The following COBL variants were observed in gnomAD, a reference collection of about 807,000 sequenced individuals.
The protein encoded by COBL is cordon-bleu WH2 repeat protein.
COBL carries 51 observed loss-of-function variants against 98.8 expected under a neutral mutation model. The ratio of observed to expected loss-of-function variants is 0.52; its 90% CI spans 0.41 to 0.65. COBL has a LOEUF of 0.65. Ranked by LOEUF, COBL falls within the 30% of genes least tolerant of loss-of-function variation. The probability of loss-of-function intolerance (pLI) is 0.00; values close to 1 mark genes in which losing one functional copy is unlikely to be tolerated. For missense variants in COBL, 1,617 were observed against 1,617.5 expected (o/e 1.00, Z 0.01); for synonymous variants, 634 against 651.7 (o/e 0.97, Z 0.41).
At chr7:51,223,274 C>T (rs565667287) in intron 1 of COBL, among the ~76,000 whole-genome samples, 5 of 152,318 alleles carry the variant, frequency 3.3e-5, no homozygotes, top group African/African-American at 4.8e-5. Flanking sequence ...TGTGTGCCTG[C>T]GTGTGCACGT....
At chr7:51,085,066 T>C in intron 7 of COBL, 100 bp downstream of exon 7, 4 of 1,558,350 alleles carry the variant, frequency 2.6e-6, no homozygotes, top group Non-Finnish European at 3.5e-6. Context: ...TGGGTTAATG[T>C]CATTATGGAT....
intron 5 of COBL, among the ~76,000 whole-genome samples, chr7:51,165,143 G>A (rs886409251): frequency 6.6e-6 from 1 of 151,900 alleles, no homozygotes; most frequent in African/African-American, 2.4e-5. Context: ...AACATTGAAT[G>A]TAAATATACT....
chr7:51,083,209 T>G, intron 7 of COBL: 1 of 1,461,394 alleles, frequency 6.8e-7, no homozygotes, highest in Non-Finnish European at 9.0e-7. Context: ...GAGGCTTTTG[T>G]GGCACCTGCC....
In COBL at chr7:51,074,183, A is replaced by C. The variant is rs183423657; in HGVS notation, c.1096+10983T>G. Among the ~76,000 whole-genome samples the C allele has an allele frequency of 4.3e-3, 643 of 147,932 alleles. 1 individual carries two copies. Among genetic ancestry groups the C allele is most frequent in the Admixed American group, 8.4e-3 (121 of 14,400 alleles). On this transcript the variant is annotated intron_variant, in intron 7 of 12. Transcript: ENST00000265136. The stretch of plus-strand genomic sequence containing the variant: ...TATTTACTTCTTAACTAGTAAAACA[A>C]GGTAATGATTTTTTTTTTTTTTTTT...
intron 1 of COBL, among the ~76,000 whole-genome samples, chr7:51,234,413 C>T (rs1380647072): frequency 6.6e-6 from 1 of 152,174 alleles, no homozygotes; most frequent in Non-Finnish European, 1.5e-5. Context: ...TCAAGAGTTC[C>T]GAAAAGGCCG....
At chr7:51,268,690 G>C (rs2129159864) in intron 1 of COBL, among the ~76,000 whole-genome samples, 1 of 152,174 alleles carries the variant, frequency 6.6e-6, no homozygotes, top group East Asian at 1.9e-4. Context: ...CCAGCATTTT[G>C]GGAGGCCAAG....
intron 5 of COBL, among the ~76,000 whole-genome samples, chr7:51,145,239 C>T (rs1482170812): frequency 2.0e-5 from 3 of 152,140 alleles, no homozygotes; most frequent in African/African-American, 4.8e-5. Flanking sequence ...TGGTCTTGAA[C>T]TCTTGACCTC....
At chr7:51,311,295 A>C (rs1803013935) in intron 1 of COBL, among the ~76,000 whole-genome samples, 1 of 152,222 alleles carries the variant, frequency 6.6e-6, no homozygotes, top group Admixed American at 6.5e-5. Flanking sequence ...TAACACCCCA[A>C]GAGGCCACAG....
In COBL at chr7:51,099,542, T is replaced by C. The variant is rs73118445; in HGVS notation, c.958-14238A>G. On this transcript the variant is annotated intron_variant, in intron 6 of 12. Transcript: ENST00000265136. ...TTCCATTTACATGAGCTATATAAAG[T>C]AGTCAAACTTTAGAAAGTAGAATGG... Among the ~76,000 whole-genome samples, 486 of 152,214 alleles carry C rather than the reference T, an allele frequency of 3.2e-3. 2 individuals carry two copies. Among genetic ancestry groups the C allele is most frequent in the Admixed American group, 6.4e-3 (98 of 15,282 alleles).
At chr7:51,068,667 C>T (rs533866830) in intron 7 of COBL, among the ~76,000 whole-genome samples, 2 of 152,188 alleles carry the variant, frequency 1.3e-5, no homozygotes, top group African/African-American at 4.8e-5. Flanking sequence ...ATGGTGTATA[C>T]AAGAGTCGAA....
At chr7:51,193,713 A>G in intron 2 of COBL, 124 bp from the exon 3 acceptor site, 1 of 781,726 alleles carries the variant, frequency 1.3e-6, no homozygotes, top group Non-Finnish European at 2.1e-6. Flanking sequence ...CTTATGAAAA[A>G]AGACAACAGA....
chr7:51,235,837 A>G (rs2215162), intron 1 of COBL, among the ~76,000 whole-genome samples: 111,323 of 152,018 alleles, frequency 0.73, 42,019 homozygotes, highest in African/African-American at 0.92. Context: ...AAAAACACAG[A>G]CCACTTTTCC....
At chr7:51,275,252 G>T (rs1439729387) in intron 1 of COBL, among the ~76,000 whole-genome samples, 1 of 152,208 alleles carries the variant, frequency 6.6e-6, no homozygotes, top group Non-Finnish European at 1.5e-5. Context: ...CTGCCCTCCT[G>T]CAAAGGACCT....
intron 5 of COBL, among the ~76,000 whole-genome samples, chr7:51,166,066 C>CA (rs1186145479): frequency 6.6e-6 from 1 of 151,642 alleles, no homozygotes; most frequent in African/African-American, 2.4e-5. Context: ...ATTAGAAAAG[C>CA]AAGAGCAAAT....
intron 4 of COBL, among the ~76,000 whole-genome samples, chr7:51,187,325 T>TATATAA (rs1789629489): frequency 7.3e-6 from 1 of 136,192 alleles, no homozygotes; most frequent in South Asian, 2.2e-4. Context: ...TATATATATA[T>TATATAA]ATATATACAC....
At chr7:51,312,191 G>A (rs1803121155) in intron 1 of COBL, among the ~76,000 whole-genome samples, 1 of 151,922 alleles carries the variant, frequency 6.6e-6, no homozygotes, top group East Asian at 1.9e-4. Context: ...TTAGCTGGGT[G>A]TGGTGGTGCA....
intron 1 of COBL, chr7:51,259,316 T>C (rs1339496379): frequency 1.1e-5 from 2 of 178,282 alleles, no homozygotes; most frequent in Non-Finnish European, 2.3e-5. Context: ...AGTAACCCAA[T>C]CTCACGGTTA....
At chr7:51,162,776 C>T (rs1378462541) in intron 5 of COBL, among the ~76,000 whole-genome samples, 1 of 152,214 alleles carries the variant, frequency 6.6e-6, no homozygotes, top group Admixed American at 6.5e-5. Flanking sequence ...ATTGAAAGCT[C>T]GGCTTTAACA....
chr7:51,070,392 A>AACACACACACACACAC (rs369051694), intron 7 of COBL, among the ~76,000 whole-genome samples: 3,426 of 138,912 alleles, frequency 0.025, 94 homozygotes, highest in African/African-American at 0.064. Context: ...AAACAGTTAA[A>AACACACACACACACAC]ACACACACAC....
Sources: gnomAD v4.1 joint callset for allele counts (sites outside exome capture counted in the v4.1 genomes callset) on GRCh38, gnomAD v4.1.1 for gene constraint, MANE v1.5 for transcripts, NCBI Gene and HGNC (gene_info 2026-07-23, HGNC 2026-07-21) for gene names.